Variants in GRM1 observed in about 807,000 individuals in gnomAD.
The protein encoded by GRM1 is metabotropic glutamate receptor 1.
Under a neutral mutation model 90.9 loss-of-function variants are expected in GRM1, and 33 were observed. That is an observed-to-expected ratio of 0.36 (90% CI 0.28 to 0.49). GRM1 has a LOEUF of 0.49. Among genes scored for constraint, GRM1 ranks in the 20% least tolerant of loss-of-function variants. GRM1 has a pLI of 0.99. For synonymous variants in GRM1, 700 were observed against 613.2 expected (o/e 1.14, Z -2.09); for missense variants, 1,190 against 1,534.3 (o/e 0.78, Z 3.75).
chr6:146,350,221 T>C (rs1785353072), intron 3 of GRM1, among the ~76,000 whole-genome samples: 1 of 152,222 alleles, frequency 6.6e-6, no homozygotes, highest in Admixed American at 6.5e-5. Flanking sequence ...TAATTTTTTA[T>C]CTATGTAAAA....
At chr6:146,408,766 G>A (rs903152094) in intron 7 of GRM1, among the ~76,000 whole-genome samples, 10 of 152,108 alleles carry the variant, frequency 6.6e-5, no homozygotes, top group Non-Finnish European at 1.3e-4. Context: ...TGTATGACAC[G>A]GTTTGGCAAC....
chr6:146,191,702 T>C (rs760115105), intron 2 of GRM1, among the ~76,000 whole-genome samples: 10 of 152,214 alleles, frequency 6.6e-5, no homozygotes, highest in Non-Finnish European at 1.0e-4. Context: ...CTTTTGCTTT[T>C]CCCAATTTCT....
At chr6:146,286,672 C>A (rs1266033307) in intron 2 of GRM1, among the ~76,000 whole-genome samples, 3 of 152,136 alleles carry the variant, frequency 2.0e-5, no homozygotes, top group Non-Finnish European at 4.4e-5. Context: ...AATAAGTGAA[C>A]AATTGGAAAG....
intron 3 of GRM1, among the ~76,000 whole-genome samples, chr6:146,318,887 T>C (rs1284730051): frequency 1.3e-5 from 2 of 152,216 alleles, no homozygotes; most frequent in Non-Finnish European, 2.9e-5. Flanking sequence ...CCTTGTAGAT[T>C]CTGGATATTA....
At chr6:146,223,928 A>C (rs1336864368) in intron 2 of GRM1, among the ~76,000 whole-genome samples, 1 of 152,102 alleles carries the variant, frequency 6.6e-6, no homozygotes, top group Non-Finnish European at 1.5e-5. Context: ...TGTAGTATTA[A>C]CATTGTTCCT....
chr6:146,087,145 T>A (rs552228348), intron 1 of GRM1, among the ~76,000 whole-genome samples: 87 of 152,270 alleles, frequency 5.7e-4, no homozygotes, highest in African/African-American at 1.9e-3. Context: ...CTAGACAGAA[T>A]TCAGTTTTTT....
intron 5 of GRM1, among the ~76,000 whole-genome samples, chr6:146,359,578 C>A (rs976326240): frequency 6.6e-6 from 1 of 152,172 alleles, no homozygotes; most frequent in African/African-American, 2.4e-5. Context: ...GATTTGCTGT[C>A]CTCAAGCTCC....
chr6:146,130,333 T>C (rs1776354978), intron 1 of GRM1, among the ~76,000 whole-genome samples: 1 of 149,644 alleles, frequency 6.7e-6, no homozygotes, highest in African/African-American at 2.4e-5. Flanking sequence ...AGTACACTTA[T>C]GAGTTTTAAC....
At chr6:146,273,902 G>A (rs536434285) in intron 2 of GRM1, among the ~76,000 whole-genome samples, 4 of 152,268 alleles carry the variant, frequency 2.6e-5, no homozygotes, top group African/African-American at 4.8e-5. Context: ...TGGAGCAGTC[G>A]TAGTATTTGT....
intron 1 of GRM1, among the ~76,000 whole-genome samples, chr6:146,114,476 G>A (rs531082262): frequency 7.9e-5 from 12 of 152,074 alleles, no homozygotes; most frequent in Non-Finnish European, 1.3e-4. Flanking sequence ...GAGGTGTTAC[G>A]TGCAATTGCA....
intron 1 of GRM1, among the ~76,000 whole-genome samples, chr6:146,156,000 G>A (rs574308612): frequency 4.6e-5 from 7 of 152,306 alleles, no homozygotes; most frequent in African/African-American, 7.2e-5. Context: ...AGGAGCCTAC[G>A]GCACTTGTCT....
chr6:146,243,865 A>G (rs184989687), intron 2 of GRM1, among the ~76,000 whole-genome samples: 145 of 152,290 alleles, frequency 9.5e-4, no homozygotes, highest in Middle Eastern at 6.8e-3. Context: ...CGTATAAGAC[A>G]GACATTCCCA....
intron 1 of GRM1, among the ~76,000 whole-genome samples, chr6:146,146,456 G>C (rs1439346176): frequency 6.6e-6 from 1 of 151,922 alleles, no homozygotes; most frequent in Admixed American, 6.6e-5. Flanking sequence ...TCTAGACTTT[G>C]GACTTTTGTG....
intron 6 of GRM1, among the ~76,000 whole-genome samples, chr6:146,390,894 A>G (rs1218557361): frequency 1.3e-5 from 2 of 152,080 alleles, no homozygotes; most frequent in African/African-American, 4.8e-5. Flanking sequence ...TTCCCTGGGA[A>G]GAAAAAAGCC....
intron 2 of GRM1, among the ~76,000 whole-genome samples, chr6:146,160,639 A>G (rs1451163166): frequency 1.3e-5 from 2 of 152,164 alleles, no homozygotes; most frequent in African/African-American, 4.8e-5. Context: ...GCTAGGTAGT[A>G]CTGGTGTGGA....
chr6:146,246,503 A>T (rs979825017), intron 2 of GRM1, among the ~76,000 whole-genome samples: 2 of 152,226 alleles, frequency 1.3e-5, no homozygotes, highest in African/African-American at 4.8e-5. Context: ...AGGCTAGATT[A>T]TGCTGAGAGC....
At chr6:146,125,430 TC>T (rs1457802679) in intron 1 of GRM1, among the ~76,000 whole-genome samples, 1 of 151,876 alleles carries the variant, frequency 6.6e-6, no homozygotes, top group Non-Finnish European at 1.5e-5. Context: ...CTCCATTCCT[TC>T]CTTCACTCCT....
chr6:146,186,958 T>C (rs578176324), intron 2 of GRM1, among the ~76,000 whole-genome samples: 5 of 152,170 alleles, frequency 3.3e-5, no homozygotes, highest in Non-Finnish European at 7.4e-5. Context: ...TACCTAGAAA[T>C]AACAAATGTC....
At chr6:146,272,217 G>T (rs1423512673) in intron 2 of GRM1, among the ~76,000 whole-genome samples, 1 of 152,054 alleles carries the variant, frequency 6.6e-6, no homozygotes, top group Non-Finnish European at 1.5e-5. Context: ...GGGTGCTTGG[G>T]GATTCTTTTG....
Sources: gnomAD v4.1 joint callset for allele counts (sites outside exome capture counted in the v4.1 genomes callset) on GRCh38, gnomAD v4.1.1 for gene constraint, MANE v1.5 for transcripts, NCBI Gene and HGNC (gene_info 2026-07-23, HGNC 2026-07-21) for gene names.